MLIP: variants seen among roughly 807,000 people sequenced by gnomAD.
MLIP encodes the protein muscular LMNA interacting protein, also known as muscular LMNA-interacting protein.
A neutral mutation model predicts 84.8 loss-of-function variants in MLIP; 79 were observed. The observed-to-expected ratio is 0.93, with a 90% CI of 0.78 to 1.12. The LOEUF (loss-of-function observed/expected upper bound fraction) is 1.12, where lower values mean the gene tolerates loss of function less well. Ranked by LOEUF, MLIP falls within the 50% of genes most tolerant of loss-of-function variation. MLIP has a pLI of 0.00. For synonymous variants in MLIP, 504 were observed against 463.0 expected (o/e 1.09, Z -1.14); for missense variants, 1,257 against 1,160.6 (o/e 1.08, Z -1.21).
chr6:54,231,187 T>C (rs1396580262), intron 12 of MLIP, among the ~76,000 whole-genome samples: 1 of 152,180 alleles, frequency 6.6e-6, no homozygotes, highest in Non-Finnish European at 1.5e-5. Context: ...AACTCCATGG[T>C]GGAAATTCCA....
chr6:54,088,025 G>A (rs904441645), intron 1 of MLIP, among the ~76,000 whole-genome samples: 6 of 152,114 alleles, frequency 3.9e-5, no homozygotes, highest in Admixed American at 6.6e-5. Flanking sequence ...TTCAGAAACG[G>A]CCATGGTATC....
chr6:54,172,996 T>TA (rs1775924786), intron 9 of MLIP, among the ~76,000 whole-genome samples: 1 of 151,786 alleles, frequency 6.6e-6, no homozygotes, highest in South Asian at 2.1e-4. Flanking sequence ...CTTAGGTCAC[T>TA]AGCAGGGTTG....
At chr6:54,124,421 A>G in intron 2 of MLIP, 52 bp from the exon 3 acceptor site, 1 of 1,511,140 alleles carries the variant, frequency 6.6e-7, no homozygotes, top group Non-Finnish European at 8.9e-7. Flanking sequence ...GCCAAAAAAG[A>G]AGCATTTATT....
At chr6:54,142,876 A>G (rs1314943360) in intron 4 of MLIP, among the ~76,000 whole-genome samples, 1 of 152,158 alleles carries the variant, frequency 6.6e-6, no homozygotes, top group Non-Finnish European at 1.5e-5. Context: ...AACATTCACC[A>G]AACATCAGAG....
In MLIP at chr6:54,261,707, G is replaced by A. The variant is rs1032731110; in HGVS notation, c.2977-4243G>A. On this transcript the variant is annotated intron_variant, in intron 13 of 13. Coordinates refer to ENST00000502396, the MANE Select transcript of MLIP (RefSeq NM_001281747.2). ...ATTCCTCTGACTTTATCCTCTGGAT[G>A]AGAACATAGAAAAGAGAAAATAAAT... 6.1e-6 allele frequency: 6 copies of A among 985,042 alleles called. No individual in the cohort carries two copies. In the South Asian group the frequency reaches 1.9e-4, roughly 31 times the overall value. 61.0% of individuals were successfully genotyped at this position (985,042 alleles called of 1,614,324 possible).
At chr6:54,191,288 A>G (rs1777897633) in intron 10 of MLIP, among the ~76,000 whole-genome samples, 1 of 152,212 alleles carries the variant, frequency 6.6e-6, no homozygotes, top group South Asian at 2.1e-4. Flanking sequence ...TTATCCCAAT[A>G]AAAATAATTA....
At chr6:54,083,702 T>A in intron 1 of MLIP, 1 of 1,433,710 alleles carries the variant, frequency 7.0e-7, no homozygotes, top group Admixed American at 2.0e-5. Flanking sequence ...TGTACTGTCT[T>A]TGTATTTCTT....
chr6:54,105,381 A>G (rs1487013502), intron 1 of MLIP, among the ~76,000 whole-genome samples: 1 of 152,232 alleles, frequency 6.6e-6, no homozygotes, highest in Non-Finnish European at 1.5e-5. Context: ...TTTCTTCTGA[A>G]CAGTCAATTC....
intron 4 of MLIP, among the ~76,000 whole-genome samples, chr6:54,140,753 T>C (rs1240520132): frequency 6.6e-6 from 1 of 152,216 alleles, no homozygotes; most frequent in Non-Finnish European, 1.5e-5. Flanking sequence ...AAAATGGATG[T>C]GGAATAGATA....
At chr6:54,148,937 A>G in intron 4 of MLIP, 119 bp from the exon 5 acceptor site, 3 of 743,712 alleles carry the variant, frequency 4.0e-6, no homozygotes, top group Non-Finnish European at 6.7e-6. Context: ...GTTGTTCAGC[A>G]TAATAACCCT....
At chr6:54,244,445 ATG>A (rs1348660927) in intron 12 of MLIP, among the ~76,000 whole-genome samples, 1 of 152,208 alleles carries the variant, frequency 6.6e-6, no homozygotes, top group African/African-American at 2.4e-5. Flanking sequence ...AAACGAATGA[ATG>A]TGTTTAATTC....
chr6:54,197,892 G>A (rs1778409156), intron 10 of MLIP, among the ~76,000 whole-genome samples: 1 of 152,054 alleles, frequency 6.6e-6, no homozygotes, highest in South Asian at 2.1e-4. Context: ...AAATTAAATT[G>A]TTCAGAATTA....
At chr6:54,159,234 C>G (rs191893095) in intron 5 of MLIP, among the ~76,000 whole-genome samples, 1 of 151,934 alleles carries the variant, frequency 6.6e-6, no homozygotes, top group African/African-American at 2.4e-5. Context: ...TTATATCAAT[C>G]TAGGCTTAGG....
chr6:54,062,200 T>C (rs974202605), intron 1 of MLIP, among the ~76,000 whole-genome samples: 13 of 152,180 alleles, frequency 8.5e-5, no homozygotes, highest in Non-Finnish European at 1.9e-4. Flanking sequence ...TTTTTTTTCT[T>C]TGTAGTGTTT....
intron 1 of MLIP, among the ~76,000 whole-genome samples, chr6:54,075,730 G>A (rs1303451022): frequency 6.6e-6 from 1 of 152,140 alleles, no homozygotes; most frequent in East Asian, 1.9e-4. Context: ...CTCACAAAGA[G>A]CAGTTTCCTC....
intron 3 of MLIP, among the ~76,000 whole-genome samples, chr6:54,125,112 T>C (rs1770810111): frequency 6.6e-6 from 1 of 152,210 alleles, no homozygotes; most frequent in South Asian, 2.1e-4. Flanking sequence ...AACATTTAGC[T>C]GGAGTAAATT....
chr6:54,081,532 C>T (rs539981696), intron 1 of MLIP, among the ~76,000 whole-genome samples: 5 of 152,202 alleles, frequency 3.3e-5, no homozygotes, highest in Admixed American at 3.3e-4. Flanking sequence ...CTCAGCCTCC[C>T]GAAGTAGCTG....
chr6:54,145,188 T>C (rs544748950), intron 4 of MLIP, among the ~76,000 whole-genome samples: 1 of 152,240 alleles, frequency 6.6e-6, no homozygotes, highest in Non-Finnish European at 1.5e-5. Flanking sequence ...TAATGTTTAC[T>C]CTAACCCTGT....
At chr6:54,107,287 A>G (rs1033660679), upstream of MLIP, among the ~76,000 whole-genome samples, 68 of 152,248 alleles carry the variant, frequency 4.5e-4, no homozygotes, top group African/African-American at 1.6e-3. Context: ...TATATTACTT[A>G]TAAGTTATAG....
Sources: gnomAD v4.1 joint callset for allele counts (sites outside exome capture counted in the v4.1 genomes callset) on GRCh38, gnomAD v4.1.1 for gene constraint, MANE v1.5 for transcripts, NCBI Gene and HGNC (gene_info 2026-07-23, HGNC 2026-07-21) for gene names.